The following ZNF761 variants were observed in gnomAD, a reference collection of about 807,000 sequenced individuals.
The protein encoded by ZNF761 is zinc finger protein 761.
Under a neutral mutation model 59.9 loss-of-function variants are expected in ZNF761, and 43 were observed. That is an observed-to-expected ratio of 0.72 (90% CI 0.56 to 0.92). The LOEUF (loss-of-function observed/expected upper bound fraction) is 0.92. Among genes scored for constraint, ZNF761 ranks in the 40% least tolerant of loss-of-function variants. ZNF761 has a pLI of 0.00. For synonymous variants in ZNF761, 294 were observed against 304.8 expected (o/e 0.96, Z 0.37); for missense variants, 850 against 906.1 (o/e 0.94, Z 0.79).
chr19:53,432,416 A>G (rs1452489922), intron 1 of ZNF761, among the ~76,000 whole-genome samples: 1 of 152,060 alleles, frequency 6.6e-6, no homozygotes, highest in Non-Finnish European at 1.5e-5. Flanking sequence ...GCCTGGTCCT[A>G]GGATCCTGCA....
intron 1 of ZNF761, among the ~76,000 whole-genome samples, chr19:53,437,588 G>A (rs962030311): frequency 2.6e-5 from 4 of 152,094 alleles, no homozygotes; most frequent in Non-Finnish European, 5.9e-5. Flanking sequence ...AAAATGCAGC[G>A]TGATCATTGC....
At chr19:53,449,057 C>T (rs146486617) in intron 3 of ZNF761, among the ~76,000 whole-genome samples, 29 of 152,232 alleles carry the variant, frequency 1.9e-4, no homozygotes, top group African/African-American at 6.7e-4. Flanking sequence ...CTGGGCCGGG[C>T]GCGGTGGATC....
chr19:53,454,972 G>A lies in ZNF761; in HGVS notation c.465G>A (p.Gln155=), dbSNP rs367989673. 2.5e-6 allele frequency: 4 copies of A among 1,614,012 alleles called. No individual in the cohort carries two copies. The African/African-American group carries it at 4.0e-5, about 16-fold the overall frequency. ...ATCTGCCTGAAATGCACATATTTCA[G>A]ACCGAAGAGAAAATTGATAATCAAG... ...HSHLPEMHIF[Q]TEEKIDNQVV... Residue 155 remains glutamine (Q), a synonymous_variant, in exon 5 of 5, where the codon CAG becomes CAA. Coordinates refer to ENST00000684525, the MANE Select transcript of ZNF761 (RefSeq NM_001289951.2).
intron 1 of ZNF761, among the ~76,000 whole-genome samples, chr19:53,444,847 A>G (rs563049099): frequency 2.1e-4 from 32 of 151,360 alleles, no homozygotes; most frequent in African/African-American, 7.5e-4. Context: ...AAAGACCACA[A>G]GGGGTTTTAG....
chr19:53,443,930 G>C (rs2086127074), intron 1 of ZNF761: 2 of 62,470 alleles, frequency 3.2e-5, no homozygotes, highest in Admixed American at 2.6e-4. Context: ...TCACAGAAAC[G>C]TACTGTGTTG....
intron 4 of ZNF761, among the ~76,000 whole-genome samples, chr19:53,452,199 T>C (rs536187452): frequency 3.3e-5 from 5 of 151,988 alleles, no homozygotes; most frequent in African/African-American, 1.2e-4. Context: ...ATACAAGAAA[T>C]TGGCCAGTTG....
intron 4 of ZNF761, 56 bp from the exon 5 acceptor site, chr19:53,454,594 A>G: frequency 1.3e-6 from 2 of 1,492,398 alleles, no homozygotes; most frequent in South Asian, 2.8e-5. Flanking sequence ...TACACATTTC[A>G]GCATTATTTA....
At chr19:53,434,136 G>T (rs1404136615) in intron 1 of ZNF761, among the ~76,000 whole-genome samples, 1 of 152,124 alleles carries the variant, frequency 6.6e-6, no homozygotes, top group Non-Finnish European at 1.5e-5. Context: ...AGTTTATGAT[G>T]CGGTTAAGTG....
intron 1 of ZNF761, among the ~76,000 whole-genome samples, chr19:53,433,458 C>CTCAAACA (rs2085999542): frequency 1.8e-4 from 7 of 38,182 alleles, no homozygotes; most frequent in Non-Finnish European, 2.8e-4. Context: ...GCTTCGACTT[C>CTCAAACA]GCCAAGTCGA....
rs563752362 is a variant in ZNF761 at position 53,432,730 on chromosome 19, C to G, written c.-185+702C>G. ...AGACAGAAAAGAAGAATGAGAAAGA[C>G]CTATAACAGATGGCAAAGTAGAGGA... On this transcript the variant is annotated intron_variant, in intron 1 of 4. Transcript: ENST00000684525. Among the ~76,000 whole-genome samples, 26 of 152,176 alleles carry G rather than the reference C, an allele frequency of 1.7e-4. 1 individual carries two copies. The highest frequency in any genetic ancestry group is 3.9e-4 in the East Asian group (2 of 5,184).
At chr19:53,438,651 T>C (rs1357667212) in intron 1 of ZNF761, among the ~76,000 whole-genome samples, 3 of 152,208 alleles carry the variant, frequency 2.0e-5, no homozygotes, top group East Asian at 1.9e-4. Context: ...TGTGGCAGAA[T>C]GTTGCTGCGT....
chr19:53,433,953 T>C (rs1410142385), intron 1 of ZNF761, among the ~76,000 whole-genome samples: 6 of 152,216 alleles, frequency 3.9e-5, no homozygotes, highest in Non-Finnish European at 4.4e-5. Context: ...CATTGATTTC[T>C]AGGCAGCAAT....
chr19:53,455,401 C>A lies in ZNF761; in HGVS notation c.894C>A (p.Tyr298Ter). 3 of 1,613,950 alleles carry A rather than the reference C, an allele frequency of 1.9e-6. No homozygotes were observed. Among genetic ancestry groups the A allele is most frequent in the Non-Finnish European group, 2.5e-6 (3 of 1,180,004 alleles). Residue 298 changes from tyrosine (Y) to a stop codon, truncating the protein, a stop_gained, in exon 5 of 5, where the codon TAC becomes TAA. Coordinates refer to ENST00000684525, the MANE Select transcript of ZNF761 (RefSeq NM_001289951.2). LOFTEE classifies it high-confidence loss of function. ...GACTTCATACTGGAGAGAAACCTTA[C>A]AAATGTGAAGAATGTGACAAAGCTT... ...HRRLHTGEKP[Y>*]KCEECDKAFH...
chr19:53,446,381 A>G (rs2086159573), intron 2 of ZNF761, 44 bp downstream of exon 2: 1 of 151,436 alleles, frequency 6.6e-6, no homozygotes, highest in African/African-American at 2.4e-5. Context: ...TTTTATTTTT[A>G]TATATTTTTT....
chr19:53,450,169 G>C (rs2086207201), intron 4 of ZNF761: 2 of 215,008 alleles, frequency 9.3e-6, no homozygotes, highest in African/African-American at 2.3e-5. Context: ...CGGGTGTGGT[G>C]GCATGGGCCT....
intron 1 of ZNF761, among the ~76,000 whole-genome samples, chr19:53,439,397 C>T (rs2147124774): frequency 6.6e-6 from 1 of 152,086 alleles, no homozygotes; most frequent in South Asian, 2.1e-4. Context: ...GCTCTGCCTC[C>T]CTGGTTCACG....
At chr19:53,439,731 T>C (rs928920965) in intron 1 of ZNF761, among the ~76,000 whole-genome samples, 2 of 152,192 alleles carry the variant, frequency 1.3e-5, no homozygotes, top group Non-Finnish European at 2.9e-5. Flanking sequence ...AACCTGGCCC[T>C]GGCAATGGCT....
chr19:53,443,834 T>G (rs773934663), intron 1 of ZNF761: 1 of 152,228 alleles, frequency 6.6e-6, no homozygotes, highest in African/African-American at 2.4e-5. Context: ...GAAGAAGACA[T>G]AAGAAACTCC....
chr19:53,441,894 A>G (rs2086104938), intron 1 of ZNF761: 24 of 1,575,368 alleles, frequency 1.5e-5, no homozygotes, highest in Non-Finnish European at 2.1e-5. Context: ...GAGGCAGTGA[A>G]GCGCAAGATC....
Sources: allele counts gnomAD v4.1 joint callset (sites outside exome capture counted in the v4.1 genomes callset), GRCh38; gene constraint gnomAD v4.1.1; transcripts MANE v1.5; gene names NCBI Gene and HGNC (gene_info 2026-07-23, HGNC 2026-07-21).